The following DHX30 variants were observed in gnomAD, a reference collection of about 807,000 sequenced individuals.
DHX30 encodes DExH-box helicase 30.
In DHX30, 4 loss-of-function variants were observed where a neutral mutation model predicts 116.9. The ratio of observed to expected loss-of-function variants is 0.03; its 90% CI spans 0.02 to 0.08. The LOEUF is 0.08. DHX30 is among the 10% of genes least tolerant of loss of function. DHX30 has a pLI of 1.00. For synonymous variants in DHX30, 697 were observed against 651.7 expected, an observed-to-expected ratio of 1.07 and a Z score of -1.06; for missense variants, 871 against 1,595.1, an observed-to-expected ratio of 0.55 and a Z score of 7.73.
Position 47,847,751 on chromosome 3 carries a change from C to A in DHX30, c.2111-30C>A. 1 of 1,603,876 alleles carries A rather than the reference C, an allele frequency of 6.2e-7. No homozygotes were observed. Among genetic ancestry groups the A allele is most frequent in the Non-Finnish European group, 8.5e-7 (1 of 1,173,644 alleles). On this transcript the variant is annotated intron_variant, in intron 13 of 21. Transcript: ENST00000445061. This position sits in a 1 kb window ranked among gnomAD's most constrained non-coding sequence, Gnocchi z 5.5. ...GGGGGGAATTCTGGTGGAAGCAGTG[C>A]CCATAACTGGTGTGTGTCTTGCCCA...
chr3:47,847,440 C>T lies in DHX30; in HGVS notation c.2014C>T (p.Leu672=). The stretch of plus-strand genomic sequence containing the variant: ...CCAGGGCTCCTTTACAGGTGGGATC[C>T]TGTGCTTCCTGCCTGGGTGGCAGGA... ...IDARGEPGGI[L]CFLPGWQEIK... The change falls in exon 13 of 22, where the codon CTG becomes TTG. Residue 672 remains leucine, a synonymous_variant. Coordinates refer to ENST00000445061, the MANE Select transcript of DHX30 (RefSeq NM_138615.3). This position sits in a 1 kb window ranked among gnomAD's most constrained non-coding sequence, Gnocchi z 5.5. The T allele has an allele frequency of 6.2e-7, 1 of 1,613,010 alleles. No homozygotes were observed. Among genetic ancestry groups the T allele is most frequent in the South Asian group, 1.1e-5 (1 of 91,034 alleles).
chr3:47,803,293 G>C, intron 1 of DHX30, 81 bp downstream of exon 1: 1 of 388,922 alleles, frequency 2.6e-6, no homozygotes, highest in Non-Finnish European at 4.6e-6. Context: ...GTGAGGAGGG[G>C]GCCCGGTCCG....
chr3:47,841,533 C>T (rs532567999), intron 7 of DHX30, 84 bp from the exon 8 acceptor site: 8 of 1,575,366 alleles, frequency 5.1e-6, no homozygotes, highest in South Asian at 2.3e-5. Flanking sequence ...TGCAGCGCAG[C>T]GTCCTCACCC....
intron 3 of DHX30, among the ~76,000 whole-genome samples, chr3:47,813,412 G>A (rs371738269): frequency 6.6e-4 from 100 of 152,344 alleles, no homozygotes; most frequent in African/African-American, 2.3e-3. Flanking sequence ...GGGTTGCATA[G>A]GCAATGGCAG....
At chr3:47,833,883 C>T (rs2036983211) in intron 6 of DHX30, among the ~76,000 whole-genome samples, 1 of 152,002 alleles carries the variant, frequency 6.6e-6, no homozygotes. Flanking sequence ...AATGTATTCT[C>T]TTAGCAAATT....
Position 47,848,317 on chromosome 3 carries a change from G to A in DHX30, c.2424G>A (p.Val808=). ...TGGAGAAAATGGTCCCTTTCCAAGT[G>A]CCAGAGATCCTGCGCACACCTCTTG... The part of the protein sequence containing the change: ...SRLEKMVPFQ[V]PEILRTPLEN... The change falls in exon 15 of 22, where the codon GTG becomes GTA. Residue 808 remains valine, a synonymous_variant. Transcript: ENST00000445061. This position sits in a 1 kb window ranked among gnomAD's most constrained non-coding sequence, Gnocchi z 9.4. The A allele has an allele frequency of 6.2e-7, 1 of 1,614,080 alleles. No individual in the cohort carries two copies. The highest frequency in any genetic ancestry group is 8.5e-7 in the Non-Finnish European group (1 of 1,180,028).
chr3:47,829,444 A>G (rs2036733082), intron 6 of DHX30, among the ~76,000 whole-genome samples: 1 of 150,098 alleles, frequency 6.7e-6, no homozygotes, highest in African/African-American at 2.5e-5. Context: ...TCTAGGTTCA[A>G]GTGATTCTCA....
intron 3 of DHX30, chr3:47,817,015 C>G (rs2036089913): frequency 2.1e-6 from 2 of 937,368 alleles, no homozygotes; most frequent in South Asian, 9.9e-5. Context: ...TTTTTTGAAA[C>G]AAGAGTCTTG....
intron 1 of DHX30, 82 bp downstream of exon 1, chr3:47,803,294 G>A: frequency 2.6e-6 from 1 of 388,556 alleles, no homozygotes; most frequent in Non-Finnish European, 4.6e-6. Flanking sequence ...TGAGGAGGGG[G>A]CCCGGTCCGA....
intron 4 of DHX30, chr3:47,819,356 T>G (rs1394933267): frequency 1.7e-6 from 2 of 1,179,680 alleles, no homozygotes; most frequent in African/African-American, 3.1e-5. Flanking sequence ...CAGTGCCTTC[T>G]TGAGCACACG....
chr3:47,836,926 G>A (rs2037144373), intron 6 of DHX30, among the ~76,000 whole-genome samples: 1 of 152,152 alleles, frequency 6.6e-6, no homozygotes, highest in African/African-American at 2.4e-5. Context: ...TCTAATAGCT[G>A]TACTCCCAGT....
At chr3:47,825,715 G>A (rs951403906) in intron 4 of DHX30, among the ~76,000 whole-genome samples, 6 of 152,158 alleles carry the variant, frequency 3.9e-5, no homozygotes, top group African/African-American at 1.4e-4. Flanking sequence ...AGGATGGGTA[G>A]AGAGCGCCAG....
At chr3:47,819,663 C>T (rs2036210994) in intron 4 of DHX30, among the ~76,000 whole-genome samples, 1 of 152,304 alleles carries the variant, frequency 6.6e-6, no homozygotes, top group Non-Finnish European at 1.5e-5. Context: ...AACAGTCTCT[C>T]TGGTGTTTAT....
chr3:47,843,157 A>G lies in DHX30; in HGVS notation c.841A>G (p.Thr281Ala). 1 of 1,614,178 alleles carries G rather than the reference A, an allele frequency of 6.2e-7. No homozygotes were observed. The highest frequency in any genetic ancestry group is 8.5e-7 in the Non-Finnish European group (1 of 1,180,028). Residue 281 changes from threonine (T) to alanine (A), a missense_variant, in exon 9 of 22, where the codon ACC becomes GCC. Thr to Ala is a moderately conservative substitution (Grantham distance 58, BLOSUM62 0). Coordinates refer to ENST00000445061, the MANE Select transcript of DHX30 (RefSeq NM_138615.3). ...VGTKTKLSTL[T>A]LLWPCPMTFV... is the part of the protein sequence containing the mutation. ...CACCAAGACCAAGCTGTCTACACTC[A>G]CCCTGCTCTGGCCCTGCCCCATGAC...
intron 8 of DHX30, 26 bp downstream of exon 8, chr3:47,841,763 T>C (rs767259482): frequency 6.2e-7 from 1 of 1,614,074 alleles, no homozygotes; most frequent in Non-Finnish European, 8.5e-7. Context: ...TAGAAGTTTG[T>C]GTGGGGGCCG....
intron 9 of DHX30, among the ~76,000 whole-genome samples, chr3:47,845,111 G>A (rs1363517452): frequency 1.3e-5 from 2 of 152,108 alleles, no homozygotes; most frequent in Non-Finnish European, 2.9e-5. Context: ...CACAGTGAGT[G>A]GTTTCTCCTC....
intron 2 of DHX30, among the ~76,000 whole-genome samples, chr3:47,807,806 G>A (rs1195815446): frequency 6.6e-6 from 1 of 151,368 alleles, no homozygotes; most frequent in Non-Finnish European, 1.5e-5. Context: ...GTGTTGCCTA[G>A]GCTGGTCTTG....
At position 47,850,069 on chromosome 3, in the gene DHX30, G is replaced by A. The variant is rs1201974719; in HGVS notation, c.3534G>A (p.Leu1178=). The change falls in exon 22 of 22, where the codon CTG becomes CTA. Residue 1178 remains leucine, a synonymous_variant. Transcript: ENST00000445061. ...AGCTGCTTGCGCTACTGGCAGAGCT[G>A]CTGCGAGGACCCTGTGGCAGCTTTG... is the stretch of plus-strand genomic sequence containing the variant. The part of the protein sequence containing the change: ...HGQLLALLAE[L]LRGPCGSFDV... The A allele has an allele frequency of 6.3e-7, 1 of 1,597,576 alleles. No individual in the cohort carries two copies.
intron 6 of DHX30, among the ~76,000 whole-genome samples, chr3:47,839,795 C>T (rs1206004576): frequency 4.6e-5 from 7 of 151,984 alleles, no homozygotes; most frequent in Non-Finnish European, 1.0e-4. Context: ...CCTGTCTCAG[C>T]CCCCTGAGTA....
Sources: gnomAD v4.1 joint callset for allele counts (sites outside exome capture counted in the v4.1 genomes callset) on GRCh38, gnomAD v4.1.1 for gene constraint, Gnocchi (gnomAD v3.1) non-coding constraint, MANE v1.5 for transcripts, NCBI Gene and HGNC (gene_info 2026-07-23, HGNC 2026-07-21) for gene names.